Variants in EXO1 observed in about 807,000 individuals in gnomAD.
The protein encoded by EXO1 is exonuclease 1.
In EXO1, 69 loss-of-function variants were observed where a neutral mutation model predicts 84.5. The ratio of observed to expected loss-of-function variants is 0.82; its 90% CI spans 0.67 to 1.00. The LOEUF (loss-of-function observed/expected upper bound fraction) is 1.00, where lower values mean the gene tolerates loss of function less well. EXO1 is among the 50% of genes least tolerant of loss of function. The probability of loss-of-function intolerance (pLI) is 0.00; values close to 1 mark genes in which losing one functional copy is unlikely to be tolerated. For synonymous variants in EXO1, 373 were observed against 366.1 expected (o/e 1.02, Z -0.21); for missense variants, 1,045 against 1,000.7 (o/e 1.04, Z -0.60).
intron 12 of EXO1, 78 bp from the exon 13 acceptor site, chr1:241,878,671 A>T: frequency 1.2e-6 from 1 of 824,052 alleles, no homozygotes; most frequent in South Asian, 1.6e-5. Context: ...TGATTATTCC[A>T]TTTTGAATCT....
At chr1:241,873,382 C>T (rs1036281108) in intron 12 of EXO1, among the ~76,000 whole-genome samples, 13 of 152,220 alleles carry the variant, frequency 8.5e-5, no homozygotes, top group Admixed American at 8.5e-4. Context: ...ACCCCTTTAA[C>T]TTCTAGTACT....
rs35496250 is a variant in EXO1 at position 241,871,911 on chromosome 1, G to GTTTTTTTT, written c.1268-110_1268-103dup. The GTTTTTTTT allele has an allele frequency of 7.6e-4, 395 of 517,556 alleles. 2 individuals are homozygous for GTTTTTTTT. In the African/African-American group the frequency reaches 8.1e-3, roughly 11 times the overall value. The allele number at this position is 517,556 out of a possible 1,614,324, so 32.1% of individuals were successfully genotyped here. On this transcript the variant is annotated intron_variant, in intron 11 of 15. Coordinates refer to ENST00000366548, the MANE Select transcript of EXO1 (RefSeq NM_130398.4). ...CTTATGTTTTCTTTTCTGAGGCATA[G>GTTTTTTTT]TTTTTTTTTTTTTTTTTTAAAGTCC...
intron 11 of EXO1, among the ~76,000 whole-genome samples, chr1:241,869,816 T>G (rs1407847800): frequency 4.2e-5 from 3 of 70,806 alleles, no homozygotes; most frequent in Admixed American, 4.1e-4. Context: ...CCCTCCCTCC[T>G]TCCTTCCTTC....
intron 8 of EXO1, among the ~76,000 whole-genome samples, chr1:241,859,077 G>A (rs1386876860): frequency 1.3e-5 from 2 of 152,000 alleles, no homozygotes; most frequent in African/African-American, 4.8e-5. Flanking sequence ...CACTCCTCAA[G>A]CTCCTTTATG....
At chr1:241,855,842 T>C (rs1040292465) in intron 6 of EXO1, among the ~76,000 whole-genome samples, 11 of 152,224 alleles carry the variant, frequency 7.2e-5, no homozygotes, top group South Asian at 2.1e-4. Context: ...CCTCATTGCC[T>C]GGGGCCGACA....
intron 11 of EXO1, among the ~76,000 whole-genome samples, chr1:241,868,374 C>CAAAAA (rs10591886): frequency 2.6e-5 from 3 of 115,886 alleles, no homozygotes; most frequent in Admixed American, 8.7e-5. Flanking sequence ...GAATCCATCT[C>CAAAAA]AAAAAAAAAA....
Position 241,881,920 on chromosome 1 carries a change from CTGAT to C in EXO1, c.2117_2120del (p.Asp706AlafsTer28). 6.6e-7 allele frequency: 1 copy of C among 1,506,176 alleles called. No individual in the cohort carries two copies. Among genetic ancestry groups the C allele is most frequent in the Non-Finnish European group, 9.2e-7 (1 of 1,086,004 alleles). The allele number at this position is 1,506,176 out of a possible 1,614,324, so 93.3% of individuals were successfully genotyped here. A position where few individuals can be genotyped will look rare whatever the true frequency, so the allele number is the denominator to read the frequency against. ...TTTTTGATCTGGGGACTCTAGGAAT[CTGAT>C]TGCAATATTAAGTTACTTGACAGTC... On this transcript the variant is annotated frameshift_variant, in exon 14 of 16. Coordinates refer to ENST00000366548, the MANE Select transcript of EXO1 (RefSeq NM_130398.4). LOFTEE classifies it high-confidence loss of function.
rs746589680 is a variant in EXO1 at position 241,872,296 on chromosome 1, G to T, written c.1514+18G>T. 1.2e-6 allele frequency: 2 copies of T among 1,612,516 alleles called. No homozygotes were observed. The highest frequency in any genetic ancestry group is 1.7e-6 in the Non-Finnish European group (2 of 1,178,652). Reference sequence around the variant, plus strand: ...AGAAGCAGGTATAGTTATGTCTCCAGAATGTTGATTGTCTGTTGTATTATG... The same window carrying T: ...AGAAGCAGGTATAGTTATGTCTCCATAATGTTGATTGTCTGTTGTATTATG... On this transcript the variant is annotated intron_variant, in intron 12 of 15. Transcript: ENST00000366548.
chr1:241,864,279 A>G (rs1276897113), intron 10 of EXO1, among the ~76,000 whole-genome samples: 2 of 152,184 alleles, frequency 1.3e-5, no homozygotes, highest in Non-Finnish European at 2.9e-5. Flanking sequence ...CCAAAAAGAG[A>G]TGTCTGCTTA....
intron 14 of EXO1, among the ~76,000 whole-genome samples, chr1:241,882,337 T>G (rs1662818881): frequency 6.6e-6 from 1 of 152,168 alleles, no homozygotes; most frequent in Non-Finnish European, 1.5e-5. Flanking sequence ...CAAATAATAC[T>G]GCAACCAAGA....
At chr1:241,853,149 G>C (rs143340737) in intron 5 of EXO1, among the ~76,000 whole-genome samples, 64 of 152,208 alleles carry the variant, frequency 4.2e-4, no homozygotes, top group African/African-American at 1.5e-3. Context: ...GTGTGTGTGT[G>C]TGCATATAAT....
chr1:241,886,720 CATTTTAAAATATCT>C (rs1464755314), intron 15 of EXO1, among the ~76,000 whole-genome samples: 1 of 152,098 alleles, frequency 6.6e-6, no homozygotes. Context: ...TTGAAATAGA[CATTTTAAAATATCT>C]ATTTTAAAAT....
chr1:241,885,642 TC>T (rs749571936), intron 15 of EXO1, 135 bp downstream of exon 15: 11 of 758,048 alleles, frequency 1.5e-5, no homozygotes, highest in Admixed American at 7.2e-5. Context: ...TTTTCTCTCT[TC>T]CCTTTAGCTA....
Position 241,889,803 on chromosome 1 carries a change from GA to G in EXO1, c.*205del. 1.7e-6 allele frequency: 1 copy of G among 579,070 alleles called. No individual in the cohort carries two copies. The highest frequency in any genetic ancestry group is 2.0e-5 in the South Asian group (1 of 49,018). 35.9% of individuals were successfully genotyped at this position (579,070 alleles called of 1,614,324 possible). ...TTATATTTTTATAAGAAGCTAAATA[GA>G]AGAATAATTGTATCTCTGACAGGTT... On this transcript the variant is annotated 3_prime_UTR_variant, in exon 16 of 16. Transcript: ENST00000366548.
At position 241,858,533 on chromosome 1, in the gene EXO1, A is replaced by T; in HGVS notation, c.571A>T (p.Asn191Tyr). 1 of 1,614,096 alleles carries T rather than the reference A, an allele frequency of 6.2e-7. No homozygotes were observed. Among genetic ancestry groups the T allele is most frequent in the Non-Finnish European group, 8.5e-7 (1 of 1,179,932 alleles). ...KVILKMDQFG[N>Y]GLEIDQARLG... ...AATTTTAAAGATGGACCAGTTTGGA[A>T]ATGGACTTGAAATTGATCAAGCTCG... is the stretch of plus-strand genomic sequence containing the variant. The change falls in exon 8 of 16, where the codon AAT becomes TAT. Residue 191 changes from asparagine to tyrosine, a missense_variant. Coordinates refer to ENST00000366548, the MANE Select transcript of EXO1 (RefSeq NM_130398.4).
intron 11 of EXO1, among the ~76,000 whole-genome samples, chr1:241,870,694 C>G (rs776416642): frequency 6.6e-6 from 1 of 152,160 alleles, no homozygotes; most frequent in Non-Finnish European, 1.5e-5. Context: ...TTACAATAAT[C>G]TTAATTCATT....
intron 13 of EXO1, among the ~76,000 whole-genome samples, chr1:241,881,027 TG>T (rs976237325): frequency 2.0e-5 from 3 of 151,868 alleles, no homozygotes; most frequent in Non-Finnish European, 2.9e-5. Context: ...ATTGCTCTTT[TG>T]TTTTGTTTTG....
intron 11 of EXO1, 75 bp downstream of exon 11, chr1:241,867,130 G>A (rs549126891): frequency 6.4e-5 from 72 of 1,124,594 alleles, no homozygotes; most frequent in African/African-American, 3.2e-4. Context: ...ACGCAAAGTC[G>A]CGAAGATTTT....
At chr1:241,852,001 C>G (rs765633170) in intron 4 of EXO1, among the ~76,000 whole-genome samples, 2 of 152,034 alleles carry the variant, frequency 1.3e-5, no homozygotes, top group African/African-American at 2.4e-5. Context: ...AGATTTGAAA[C>G]CAAAGATGTC....
Sources: gnomAD v4.1 joint callset for allele counts (sites outside exome capture counted in the v4.1 genomes callset) on GRCh38, gnomAD v4.1.1 for gene constraint, MANE v1.5 for transcripts, NCBI Gene and HGNC (gene_info 2026-07-23, HGNC 2026-07-21) for gene names.